NOTCH3: variants seen among roughly 807,000 people sequenced by gnomAD.
NOTCH3 encodes notch receptor 3.
Under a neutral mutation model 213.3 loss-of-function variants are expected in NOTCH3, and 86 were observed. That is an observed-to-expected ratio of 0.40 (90% CI 0.34 to 0.48). The LOEUF (loss-of-function observed/expected upper bound fraction) is 0.48, where lower values mean the gene tolerates loss of function less well. Among genes scored for constraint, NOTCH3 ranks in the 20% least tolerant of loss-of-function variants. The pLI is 0.57. For synonymous variants in NOTCH3, 1,354 were observed against 1,355.9 expected (o/e 1.00, Z 0.03); for missense variants, 2,783 against 3,272.6 (o/e 0.85, Z 3.65).
At chr19:15,198,046 G>A (rs955256685) in intron 1 of NOTCH3, among the ~76,000 whole-genome samples, 3 of 152,170 alleles carry the variant, frequency 2.0e-5, no homozygotes, top group South Asian at 2.1e-4. Flanking sequence ...AGCCAGGCAG[G>A]CCTGCGTGGT....
intron 16 of NOTCH3, among the ~76,000 whole-genome samples, chr19:15,183,383 T>TC (rs1491333624): frequency 1.5e-5 from 2 of 129,270 alleles, no homozygotes; most frequent in Non-Finnish European, 3.2e-5. Context: ...GCAGCACCCC[T>TC]TTTTGTTTGT....
At position 15,159,348 on chromosome 19, in the gene NOTCH3, A is replaced by T. The variant is rs2046621447; in HGVS notation, c.*1314T>A. The T allele has an allele frequency of 6.1e-6, 1 of 164,190 alleles. No individual in the cohort carries two copies. Among genetic ancestry groups the T allele is most frequent in the East Asian group, 1.3e-4 (1 of 7,642 alleles). The allele number at this position is 164,190 out of a possible 1,614,324, so 10.2% of individuals were successfully genotyped here. On this transcript the variant is annotated 3_prime_UTR_variant, in exon 33 of 33. Coordinates refer to ENST00000263388, the MANE Select transcript of NOTCH3 (RefSeq NM_000435.3). ...GCCCACCACCTCGAATTGGCCACTG[A>T]TATTTCTAAATCTGATTGTGACCTT...
chr19:15,189,088 G>T lies in NOTCH3; in HGVS notation c.1279C>A (p.Arg427Ser). Residue 427 changes from arginine (R) to serine (S), a missense_variant, in exon 8 of 33, where the codon CGC becomes AGC. Arg to Ser is a moderately radical substitution (Grantham distance 110). Around this residue, in one of 6 missense-constraint regions of NOTCH3, gnomAD observed 708 missense variants for 906.6 expected, o/e 0.78. Transcript: ENST00000263388. ...CQCGRGYTGP[R>S]CETDVNECLS... is the part of the protein sequence containing the mutation. ...CACTCGTTGACATCGGTCTCACAGC[G>T]AGGTCCAGTGTAGCCACGACCGCAC... The T allele has an allele frequency of 6.2e-7, 1 of 1,613,184 alleles. No homozygotes were observed. Among genetic ancestry groups the T allele is most frequent in the Non-Finnish European group, 8.5e-7 (1 of 1,180,030 alleles).
In NOTCH3 at chr19:15,197,558, T is replaced by C. The variant is rs775259883; in HGVS notation, c.139A>G (p.Ser47Gly). ...CAACGACCTCCATTTGCACACGGGC[T>C]TCCGTCCAGGCAAGGGGGGGCTGTG... Reference protein sequence around the residue: ...GAAAPPCLDGSPCANGGRCTQ... With the variant: ...GAAAPPCLDGGPCANGGRCTQ... The change falls in exon 2 of 33, where the codon AGC (serine) becomes GGC (glycine). Residue 47 changes from serine to glycine, a missense_variant. By Grantham distance (56) the Ser-to-Gly change is moderately conservative. Coordinates refer to ENST00000263388, the MANE Select transcript of NOTCH3 (RefSeq NM_000435.3). 8 of 1,609,838 alleles carry C rather than the reference T, an allele frequency of 5.0e-6. No individual in the cohort carries two copies. The highest frequency in any genetic ancestry group is 6.8e-6 in the Non-Finnish European group (8 of 1,179,010).
rs572962826 is a variant in NOTCH3 at position 15,161,972 on chromosome 19, T to C, written c.5914-258A>G. 7.0e-5 allele frequency among the ~76,000 whole-genome samples: 10 copies of C among 143,546 alleles called. No individual in the cohort carries two copies. In the South Asian group the frequency reaches 2.0e-3, roughly 28 times the overall value. 94.2% of individuals were successfully genotyped at this position (143,546 alleles called of 152,430 possible). On this transcript the variant is annotated intron_variant, in intron 32 of 32. Coordinates refer to ENST00000263388, the MANE Select transcript of NOTCH3 (RefSeq NM_000435.3). ...GGTACTCACCTTAGGCATAACTTTTTTTTTCTTGTCTTTTTTTTTTTTTTT... is the reference window on the plus strand; with the variant it reads ...GGTACTCACCTTAGGCATAACTTTTCTTTTCTTGTCTTTTTTTTTTTTTTT...
chr19:15,161,043 C>A lies in NOTCH3; in HGVS notation c.6585G>T (p.Leu2195=), dbSNP rs772112404. ...GGGAGACGGGGGTCCCTGGGTTGAG[C>A]AGCTGGGGTCCCGGCGCCAGTGGCA... ...FLLPLAPGPQ[L]LNPGTPVSPQ... Residue 2195 remains leucine, a synonymous_variant, in exon 33 of 33, where the codon CTG becomes CTT. Coordinates refer to ENST00000263388, the MANE Select transcript of NOTCH3 (RefSeq NM_000435.3). 2.0e-6 allele frequency: 3 copies of A among 1,538,208 alleles called. No individual in the cohort carries two copies. The highest frequency in any genetic ancestry group is 1.9e-5 in the Admixed American group (1 of 51,444).
In NOTCH3 at chr19:15,181,000, G is replaced by A. The variant is rs764424964; in HGVS notation, c.2955C>T (p.Arg985=). 4 of 1,597,880 alleles carry A rather than the reference G, an allele frequency of 2.5e-6. No individual in the cohort carries two copies. The highest frequency in any genetic ancestry group is 3.4e-6 in the Non-Finnish European group (4 of 1,173,258). ...CCGTGAAGCTCTCGAGGCAGGTGCAGCGGAAGCCAGGGTGGGCGGCGCTGC... is the reference window on the plus strand; with the variant it reads ...CCGTGAAGCTCTCGAGGCAGGTGCAACGGAAGCCAGGGTGGGCGGCGCTGC... ...GVCSAAHPGF[R]CTCLESFTGP... is the part of the protein sequence containing the mutation. The change falls in exon 18 of 33, where the codon CGC becomes CGT. Residue 985 remains arginine (R), a synonymous_variant. Coordinates refer to ENST00000263388, the MANE Select transcript of NOTCH3 (RefSeq NM_000435.3).
chr19:15,167,816 A>C (rs1223044900), intron 28 of NOTCH3, among the ~76,000 whole-genome samples: 2 of 151,706 alleles, frequency 1.3e-5, no homozygotes, highest in Non-Finnish European at 1.5e-5. Flanking sequence ...CAGCCTCCCA[A>C]AGTGCTGAGA....
chr19:15,180,318 T>C (rs1043152000), intron 19 of NOTCH3, 62 bp from the exon 20 acceptor site: 2 of 1,552,210 alleles, frequency 1.3e-6, no homozygotes, highest in East Asian at 4.5e-5. Flanking sequence ...TCTGCCTCCA[T>C]CACACAGATC....
At position 15,174,276 on chromosome 19, in the gene NOTCH3, G is replaced by T; in HGVS notation, c.4528C>A (p.Arg1510Ser). Residue 1510 changes from arginine (R) to serine (S), a missense_variant, in exon 25 of 33, where the codon CGC becomes AGC. By Grantham distance (110) the Arg-to-Ser change is moderately radical (BLOSUM62 -1). This residue lies in a region of NOTCH3 where 636 missense variants were observed against 801.8 expected (regional missense o/e 0.79). Coordinates refer to ENST00000263388, the MANE Select transcript of NOTCH3 (RefSeq NM_000435.3). ...CASEVPALLARGVLVLTVLLP... is the reference protein window; with the variant it reads ...CASEVPALLASGVLVLTVLLP... ...AGCACTGTGAGCACCAGCACGCCGC[G>T]GGCCAGCAGGGCCGGCACCTCGCTG... The T allele has an allele frequency of 6.4e-7, 1 of 1,563,816 alleles. No individual in the cohort carries two copies.
chr19:15,175,575 G>GTA (rs1422406505), intron 24 of NOTCH3, among the ~76,000 whole-genome samples: 9 of 26,446 alleles, frequency 3.4e-4, no homozygotes, highest in Non-Finnish European at 7.6e-4. Flanking sequence ...ATATATATAT[G>GTA]TATATATATG....
At chr19:15,170,252 G>T in intron 27 of NOTCH3, 79 bp downstream of exon 27, 1 of 1,515,560 alleles carries the variant, frequency 6.6e-7, no homozygotes, top group Non-Finnish European at 9.1e-7. Flanking sequence ...TGGGGTCAGA[G>T]GTCTGAGTCA....
intron 16 of NOTCH3, among the ~76,000 whole-genome samples, chr19:15,184,037 CAAAAAAAAAAAAAA>C (rs34518539): frequency 5.8e-4 from 16 of 27,632 alleles, no homozygotes; most frequent in African/African-American, 1.5e-3. Flanking sequence ...GACTCTGTCT[CAAAAAAAAAAAAAA>C]AAAAAAAAAA....
chr19:15,178,446 G>A, intron 23 of NOTCH3: 2 of 445,384 alleles, frequency 4.5e-6, no homozygotes, highest in Non-Finnish European at 4.2e-6. Context: ...GGAGTGCAAT[G>A]GCGTGATGGC....
At chr19:15,167,687 G>T (rs1157775208) in intron 28 of NOTCH3, among the ~76,000 whole-genome samples, 1 of 152,090 alleles carries the variant, frequency 6.6e-6, no homozygotes, top group Non-Finnish European at 1.5e-5. Context: ...TGGAGTAGCT[G>T]GGATTACAGG....
rs577303432 is a variant in NOTCH3, at chr19:15,161,361, C to T, written c.6267G>A (p.Pro2089=). The T allele has an allele frequency of 8.5e-6, 13 of 1,525,436 alleles. No homozygotes were observed. Among genetic ancestry groups the T allele is most frequent in the Admixed American group, 6.2e-5 (3 of 48,496 alleles). 94.5% of individuals were successfully genotyped at this position (1,525,436 alleles called of 1,614,324 possible). ...GRGKKLTLAC[P]GPLADSSVTL... is the part of the protein sequence containing the mutation. Reference sequence around the variant, plus strand: ...TGACCGAGCTGTCAGCCAGGGGGCCCGGGCAGGCCAGCGTCAGCTTCTTGC... The same window carrying T: ...TGACCGAGCTGTCAGCCAGGGGGCCTGGGCAGGCCAGCGTCAGCTTCTTGC... The change falls in exon 33 of 33, where the codon CCG becomes CCA. Residue 2089 remains proline, a synonymous_variant. Transcript: ENST00000263388.
rs201701651 is a variant in NOTCH3, at chr19:15,197,587, G to C, written c.119-9C>G. The C allele has an allele frequency of 6.2e-7, 1 of 1,610,852 alleles. No homozygotes were observed. The highest frequency in any genetic ancestry group is 1.3e-5 in the African/African-American group (1 of 74,982). The stretch of plus-strand genomic sequence containing the variant: ...GTCCAGGCAAGGGGGGGCTGTGTGG[G>C]GGTGAAGGAAGGTGGAGGATCAGCC... On this transcript the variant is annotated splice_polypyrimidine_tract_variant and intron_variant, in intron 1 of 32. Coordinates refer to ENST00000263388, the MANE Select transcript of NOTCH3 (RefSeq NM_000435.3).
intron 32 of NOTCH3, among the ~76,000 whole-genome samples, chr19:15,161,941 A>C (rs2046647740): frequency 6.6e-6 from 1 of 151,308 alleles, no homozygotes; most frequent in South Asian, 2.1e-4. Context: ...AGGGTGAGTT[A>C]AGCGAGGTAC....
In NOTCH3 at chr19:15,170,466, A is replaced by G. The variant is rs781311949; in HGVS notation, c.4979T>C (p.Leu1660Pro). 6.2e-7 allele frequency: 1 copy of G among 1,608,640 alleles called. No homozygotes were observed. Among genetic ancestry groups the G allele is most frequent in the Non-Finnish European group, 8.5e-7 (1 of 1,179,964 alleles). Residue 1660 changes from leucine to proline, a missense_variant, in exon 27 of 33, where the codon CTG becomes CCG. Leu to Pro is a moderately conservative substitution (Grantham distance 98). This residue lies in a region of NOTCH3 where 636 missense variants were observed against 801.8 expected (regional missense o/e 0.79). Coordinates refer to ENST00000263388, the MANE Select transcript of NOTCH3 (RefSeq NM_000435.3). ...GAVLLLVILVLGVMVARRKRE... is the reference protein window; with the variant it reads ...GAVLLLVILVPGVMVARRKRE... ...CTTGCGCCGGGCCACCATGACACCC[A>G]GGACGAGAATGACCAGCAGCAAGAC...
Sources: gnomAD v4.1 joint callset for allele counts (sites outside exome capture counted in the v4.1 genomes callset) on GRCh38, gnomAD v4.1.1 for gene constraint, gnomAD v4.1.1 regional missense constraint, MANE v1.5 for transcripts, NCBI Gene and HGNC (gene_info 2026-07-23, HGNC 2026-07-21) for gene names.